PXDNL: variants seen among roughly 807,000 people sequenced by gnomAD.
The protein encoded by PXDNL is probable oxidoreductase PXDNL.
In PXDNL, 145 loss-of-function variants were observed where a neutral mutation model predicts 150.8. The observed-to-expected ratio is 0.96, with a 90% CI of 0.84 to 1.10. The LOEUF (loss-of-function observed/expected upper bound fraction) is 1.10. Among genes scored for constraint, PXDNL ranks in the 50% least tolerant of loss-of-function variants. The pLI is 0.00. For synonymous variants in PXDNL, 757 were observed against 725.7 expected, an observed-to-expected ratio of 1.04 and a Z score of -0.69; for missense variants, 2,087 against 1,873.9, an observed-to-expected ratio of 1.11 and a Z score of -2.10.
chr8:51,596,864 ACT>A (rs1441226695), intron 2 of PXDNL, among the ~76,000 whole-genome samples: 1 of 151,702 alleles, frequency 6.6e-6, no homozygotes, highest in African/African-American at 2.4e-5. Flanking sequence ...TTGTCTGTTT[ACT>A]CTGTTTTTAG....
chr8:51,611,434 A>C (rs1359016505), intron 2 of PXDNL, among the ~76,000 whole-genome samples: 1 of 152,214 alleles, frequency 6.6e-6, no homozygotes, highest in Non-Finnish European at 1.5e-5. Context: ...AAGGAGTCTT[A>C]ACTATTTTAT....
intron 1 of PXDNL, among the ~76,000 whole-genome samples, chr8:51,667,985 G>C (rs1383469548): frequency 6.6e-6 from 1 of 152,006 alleles, no homozygotes; most frequent in Non-Finnish European, 1.5e-5. Context: ...CAACATAGCT[G>C]AACACCGGGT....
intron 19 of PXDNL, among the ~76,000 whole-genome samples, chr8:51,360,007 A>G (rs1806665216): frequency 6.6e-6 from 1 of 151,052 alleles, no homozygotes; most frequent in South Asian, 2.1e-4. Flanking sequence ...ATTTGAAAGC[A>G]TTACTTGATA....
chr8:51,563,497 A>G (rs1812757370), intron 3 of PXDNL, among the ~76,000 whole-genome samples: 1 of 151,966 alleles, frequency 6.6e-6, no homozygotes, highest in South Asian at 2.1e-4. Context: ...GCTTCAAGAT[A>G]GGAGTCTTGG....
At chr8:51,714,185 T>C (rs576464636) in intron 1 of PXDNL, among the ~76,000 whole-genome samples, 1 of 152,364 alleles carries the variant, frequency 6.6e-6, no homozygotes, top group Admixed American at 6.5e-5. Flanking sequence ...AATGTTATCC[T>C]CTAGGCCTTA....
intron 1 of PXDNL, among the ~76,000 whole-genome samples, chr8:51,688,536 G>T (rs552550596): frequency 6.6e-6 from 1 of 152,240 alleles, no homozygotes; most frequent in South Asian, 2.1e-4. Context: ...ACTGCGGCCA[G>T]TTGGAGGAAG....
chr8:51,531,116 G>C (rs1369981216), intron 4 of PXDNL, among the ~76,000 whole-genome samples: 2 of 152,202 alleles, frequency 1.3e-5, no homozygotes, highest in Non-Finnish European at 2.9e-5. Context: ...AACAGGAAGA[G>C]GGCAGCTAAA....
intron 3 of PXDNL, among the ~76,000 whole-genome samples, chr8:51,590,976 A>G (rs2130652508): frequency 6.6e-6 from 1 of 152,322 alleles, no homozygotes; most frequent in East Asian, 1.9e-4. Context: ...TCTAAAACTC[A>G]TATAGAAATT....
chr8:51,349,277 T>C (rs1052556018), intron 19 of PXDNL, among the ~76,000 whole-genome samples: 1 of 152,114 alleles, frequency 6.6e-6, no homozygotes, highest in Non-Finnish European at 1.5e-5. Flanking sequence ...CCTAGATTCT[T>C]AGTGGGTGAA....
chr8:51,672,060 C>T (rs1467864566), intron 1 of PXDNL, among the ~76,000 whole-genome samples: 1 of 152,134 alleles, frequency 6.6e-6, no homozygotes, highest in Non-Finnish European at 1.5e-5. Flanking sequence ...CAGCTCACCA[C>T]AAAATTCGCC....
At chr8:51,369,452 G>A (rs544488164) in intron 19 of PXDNL, among the ~76,000 whole-genome samples, 2 of 152,296 alleles carry the variant, frequency 1.3e-5, no homozygotes, top group South Asian at 4.1e-4. Flanking sequence ...CTTTTGTTAA[G>A]CCACTCATTT....
At chr8:51,607,124 A>T (rs1813852589) in intron 2 of PXDNL, among the ~76,000 whole-genome samples, 1 of 152,186 alleles carries the variant, frequency 6.6e-6, no homozygotes, top group Non-Finnish European at 1.5e-5. Flanking sequence ...TTAACTGAAC[A>T]CTTTAGAAAC....
intron 21 of PXDNL, among the ~76,000 whole-genome samples, chr8:51,323,304 C>CGG (rs1805383393): frequency 6.6e-6 from 1 of 152,032 alleles, no homozygotes; most frequent in Non-Finnish European, 1.5e-5. Flanking sequence ...TTTTTTGAGA[C>CGG]AGTCTCGCTC....
At chr8:51,613,066 G>A (rs16916601) in intron 2 of PXDNL, among the ~76,000 whole-genome samples, 67 of 151,910 alleles carry the variant, frequency 4.4e-4, no homozygotes, top group Non-Finnish European at 7.5e-4. Context: ...TGCAGATAGG[G>A]AGAGGAAGCA....
chr8:51,503,027 T>A (rs540505850), intron 4 of PXDNL, among the ~76,000 whole-genome samples: 1 of 152,174 alleles, frequency 6.6e-6, no homozygotes, highest in African/African-American at 2.4e-5. Flanking sequence ...ATATTTACTA[T>A]GAATTGCTCA....
intron 2 of PXDNL, among the ~76,000 whole-genome samples, chr8:51,627,789 C>T (rs1407048588): frequency 2.0e-5 from 3 of 152,170 alleles, no homozygotes; most frequent in Non-Finnish European, 4.4e-5. Flanking sequence ...TTGAAATCAG[C>T]AGTCCAGGGT....
chr8:51,377,328 T>C (rs567747901), intron 17 of PXDNL, among the ~76,000 whole-genome samples: 13 of 152,154 alleles, frequency 8.5e-5, no homozygotes, highest in East Asian at 1.9e-4. Flanking sequence ...AGTGGTGCAA[T>C]TGAGAGGTGA....
chr8:51,575,278 A>G (rs1813026180), intron 3 of PXDNL, among the ~76,000 whole-genome samples: 1 of 152,082 alleles, frequency 6.6e-6, no homozygotes, highest in African/African-American at 2.4e-5. Flanking sequence ...CAGATAAATC[A>G]AAGTAAAATT....
At chr8:51,726,616 A>G (rs544018387) in intron 1 of PXDNL, among the ~76,000 whole-genome samples, 29 of 152,310 alleles carry the variant, frequency 1.9e-4, no homozygotes, top group Non-Finnish European at 3.1e-4. Flanking sequence ...CTCACATTCT[A>G]GGTTAGAAGA....
Sources: gnomAD v4.1 joint callset for allele counts (sites outside exome capture counted in the v4.1 genomes callset) on GRCh38, gnomAD v4.1.1 for gene constraint, MANE v1.5 for transcripts, NCBI Gene and HGNC (gene_info 2026-07-23, HGNC 2026-07-21) for gene names.